GLI2: variants seen among roughly 807,000 people sequenced by gnomAD.
GLI2 encodes transcription activator GLI2.
In GLI2, 22 loss-of-function variants were observed where a neutral mutation model predicts 78.9. The ratio of observed to expected loss-of-function variants is 0.28; its 90% CI spans 0.20 to 0.40. The LOEUF is 0.40. GLI2 is among the 10% of genes least tolerant of loss of function. The probability of loss-of-function intolerance (pLI) is 1.00; values close to 1 mark genes in which losing one functional copy is unlikely to be tolerated. For synonymous variants in GLI2, 974 were observed against 963.7 expected (o/e 1.01, Z -0.20); for missense variants, 2,097 against 2,213.2 (o/e 0.95, Z 1.05).
At chr2:120,821,677 G>A (rs141983741) in intron 2 of GLI2, among the ~76,000 whole-genome samples, 130 of 152,292 alleles carry the variant, frequency 8.5e-4, no homozygotes, top group Admixed American at 3.7e-3. Context: ...GGAGGTGCCT[G>A]TGCATAGACT....
chr2:120,934,953 C>T (rs1165890880), intron 3 of GLI2, among the ~76,000 whole-genome samples: 2 of 152,208 alleles, frequency 1.3e-5, no homozygotes, highest in East Asian at 3.8e-4. Flanking sequence ...TCACCAGTGT[C>T]ATCCCGGGCC....
chr2:120,981,826 C>A (rs1387398363), intron 10 of GLI2, among the ~76,000 whole-genome samples: 1 of 152,204 alleles, frequency 6.6e-6, no homozygotes, highest in Non-Finnish European at 1.5e-5. Flanking sequence ...TCCTTCCTCT[C>A]TCCCTTGCTC....
rs77798422 is a variant in GLI2, at chr2:120,827,477, G to A, written c.148+30009G>A. Among the ~76,000 whole-genome samples the A allele has an allele frequency of 9.7e-3, 1,484 of 152,300 alleles. 19 individuals are homozygous for A. The highest frequency in any genetic ancestry group is 0.034 in the African/African-American group (1,393 of 41,552). On this transcript the variant is annotated intron_variant, in intron 2 of 13. Coordinates refer to ENST00000361492, the MANE Select transcript of GLI2 (RefSeq NM_001374353.1). ...GTGCAGCCACTTTGGAAGACAGTAT[G>A]GGAGTTCCTTGGAAAATGAAACAGA...
chr2:120,975,235 C>A, intron 9 of GLI2, 126 bp downstream of exon 9: 2 of 842,388 alleles, frequency 2.4e-6, no homozygotes, highest in Non-Finnish European at 3.7e-6. Flanking sequence ...GATGCCTGGG[C>A]CACATCCCCT....
intron 2 of GLI2, among the ~76,000 whole-genome samples, chr2:120,861,453 T>C (rs922601193): frequency 1.3e-5 from 2 of 152,208 alleles, no homozygotes; most frequent in Non-Finnish European, 2.9e-5. Flanking sequence ...GTCCCAGTCC[T>C]GGGCCTGTGG....
At chr2:120,976,288 G>A (rs775906520) in intron 9 of GLI2, among the ~76,000 whole-genome samples, 4 of 152,154 alleles carry the variant, frequency 2.6e-5, no homozygotes, top group South Asian at 2.1e-4. Context: ...TTTAGGACAC[G>A]CCGACTCCCT....
intron 2 of GLI2, among the ~76,000 whole-genome samples, chr2:120,884,096 G>T (rs938350213): frequency 6.6e-6 from 1 of 152,192 alleles, no homozygotes; most frequent in African/African-American, 2.4e-5. Flanking sequence ...TCAGTGCTGG[G>T]CTCACAACCA....
At position 120,986,581 on chromosome 2, in the gene GLI2, C is replaced by G; in HGVS notation, c.2209C>G (p.Arg737Gly). The G allele has an allele frequency of 6.2e-7, 1 of 1,614,108 alleles. No homozygotes were observed. Among genetic ancestry groups the G allele is most frequent in the Non-Finnish European group, 8.5e-7 (1 of 1,180,012 alleles). Residue 737 changes from arginine (R) to glycine (G), a missense_variant, in exon 13 of 14, where the codon CGG becomes GGG. This residue lies in a region of GLI2 where 1,290 missense variants were observed against 1,261.7 expected (regional missense o/e 1.02). Coordinates refer to ENST00000361492, the MANE Select transcript of GLI2 (RefSeq NM_001374353.1). ...ATGGGCCGGGCCGACTCCACACACG[C>G]GGAACACCAAGCTGCCTCCCCTCCC... ...CSWAGPTPHT[R>G]NTKLPPLPGS... is the part of the protein sequence containing the mutation.
chr2:120,943,419 G>A (rs1044768402), intron 3 of GLI2, among the ~76,000 whole-genome samples: 1 of 152,226 alleles, frequency 6.6e-6, no homozygotes, highest in African/African-American at 2.4e-5. Context: ...GGCCACATGG[G>A]ATTGTGGCCC....
chr2:120,842,409 G>A (rs11885427), intron 2 of GLI2, among the ~76,000 whole-genome samples: 32,427 of 152,052 alleles, frequency 0.21, 4,385 homozygotes, highest in African/African-American at 0.37. Context: ...GACCTGGAGC[G>A]CTTCTTCATT....
intron 2 of GLI2, among the ~76,000 whole-genome samples, chr2:120,910,307 T>C (rs1035833293): frequency 1.3e-5 from 2 of 152,204 alleles, no homozygotes; most frequent in Admixed American, 1.3e-4. Context: ...TCAGGGCTTC[T>C]TGCCTAATCA....
intron 2 of GLI2, among the ~76,000 whole-genome samples, chr2:120,909,175 G>T (rs1416178115): frequency 6.6e-6 from 1 of 152,130 alleles, no homozygotes; most frequent in Admixed American, 6.5e-5. Context: ...GCTGACGTGG[G>T]GAGGGCTTGC....
At chr2:120,987,732 C>T (rs1683045539) in intron 13 of GLI2, among the ~76,000 whole-genome samples, 1 of 152,180 alleles carries the variant, frequency 6.6e-6, no homozygotes, top group South Asian at 2.1e-4. Flanking sequence ...CTCATCCCCT[C>T]CTCTGCGTAA....
intron 1 of GLI2, among the ~76,000 whole-genome samples, chr2:120,765,054 TTCCAGGCA>T: frequency 6.6e-6 from 1 of 152,296 alleles, no homozygotes; most frequent in South Asian, 2.1e-4. Context: ...GCCACCTTAG[TTCCAGGCA>T]CCATGACTCC....
intron 2 of GLI2, among the ~76,000 whole-genome samples, chr2:120,852,044 G>A (rs1468980091): frequency 3.3e-5 from 5 of 152,228 alleles, no homozygotes; most frequent in Non-Finnish European, 5.9e-5. Flanking sequence ...GCTGAGACTG[G>A]AAAGGCAGGC....
intron 3 of GLI2, among the ~76,000 whole-genome samples, chr2:120,936,152 T>C (rs1306151956): frequency 6.6e-6 from 1 of 152,176 alleles, no homozygotes; most frequent in African/African-American, 2.4e-5. Context: ...ACATCTTGCC[T>C]ATGCTGCTTA....
At chr2:120,832,496 G>A (rs1330108114) in intron 2 of GLI2, among the ~76,000 whole-genome samples, 4 of 152,034 alleles carry the variant, frequency 2.6e-5, no homozygotes, top group Non-Finnish European at 2.9e-5. Context: ...CCTGTGTGGC[G>A]GAGAACTCTA....
In GLI2 at chr2:120,941,404, C is replaced by T. The variant is rs564871076; in HGVS notation, c.255-9839C>T. Among the ~76,000 whole-genome samples, 387 of 152,276 alleles carry T rather than the reference C, an allele frequency of 2.5e-3. 1 individual carries two copies. Among genetic ancestry groups the T allele is most frequent in the African/African-American group, 8.6e-3 (359 of 41,550 alleles). ...AAACAACAAAACTCAAACCAACAAA[C>T]GAAAACCCTGGGGAGGAGATTGAAT... is the stretch of plus-strand genomic sequence containing the variant. On this transcript the variant is annotated intron_variant, in intron 3 of 13. Transcript: ENST00000361492.
intron 13 of GLI2, among the ~76,000 whole-genome samples, chr2:120,986,817 A>G (rs535577438): frequency 6.6e-6 from 1 of 152,328 alleles, no homozygotes; most frequent in African/African-American, 2.4e-5. Context: ...GCCAAAGGCC[A>G]TGCTCTTTCA....
Sources: gnomAD v4.1 joint callset for allele counts (sites outside exome capture counted in the v4.1 genomes callset) on GRCh38, gnomAD v4.1.1 for gene constraint, gnomAD v4.1.1 regional missense constraint, MANE v1.5 for transcripts, NCBI Gene and HGNC (gene_info 2026-07-23, HGNC 2026-07-21) for gene names.